Variants in PTGER3 observed in about 807,000 individuals in gnomAD.
PTGER3 encodes the protein prostaglandin E receptor 3.
Under a neutral mutation model 34.7 loss-of-function variants are expected in PTGER3, and 22 were observed. The observed-to-expected ratio is 0.63, with a 90% CI of 0.45 to 0.91. PTGER3 has a LOEUF of 0.91. PTGER3 is among the 40% of genes least tolerant of loss of function. The pLI, the probability that PTGER3 is intolerant of heterozygous loss-of-function variation, is 0.00. For missense variants in PTGER3, 468 were observed against 519.4 expected (o/e 0.90, Z 0.96); for synonymous variants, 241 against 230.1 (o/e 1.05, Z -0.43).
intron 4 of PTGER3, among the ~76,000 whole-genome samples, chr1:70,861,768 T>C (rs537869844): frequency 6.6e-6 from 1 of 152,184 alleles, no homozygotes; most frequent in African/African-American, 2.4e-5. Context: ...TCTCAGAATA[T>C]TTATCATTCA....
At chr1:71,037,403 C>T (rs1057357056) in intron 1 of PTGER3, among the ~76,000 whole-genome samples, 6 of 152,206 alleles carry the variant, frequency 3.9e-5, no homozygotes, top group African/African-American at 1.4e-4. Flanking sequence ...CTCTCTCGAG[C>T]AACGTAACTG....
intron 4 of PTGER3, among the ~76,000 whole-genome samples, chr1:70,900,543 TG>T (rs1453293181): frequency 7.3e-6 from 1 of 137,078 alleles, no homozygotes; most frequent in Non-Finnish European, 1.6e-5. Flanking sequence ...ATACAAATGA[TG>T]AATTTAGAGC....
chr1:70,916,372 A>G (rs1572637869), intron 4 of PTGER3, among the ~76,000 whole-genome samples: 1 of 152,066 alleles, frequency 6.6e-6, no homozygotes, highest in East Asian at 1.9e-4. Context: ...CAGCAATCCC[A>G]TTACTGGGTA....
chr1:71,034,291 T>C (rs905377196), intron 1 of PTGER3, among the ~76,000 whole-genome samples: 1 of 152,222 alleles, frequency 6.6e-6, no homozygotes, highest in African/African-American at 2.4e-5. Flanking sequence ...AAATTTTCTT[T>C]TAATGTGTTC....
Position 70,971,188 on chromosome 1 carries a change from A to G in PTGER3, c.*542T>C, listed in dbSNP as rs999189818. On this transcript the variant is annotated 3_prime_UTR_variant, in exon 4 of 4. Transcript: ENST00000306666. ...CACAGGGACACAACATCTCTAAAAC[A>G]TTAATCATAATTGGGCACAAATATT... 3 of 985,304 alleles carry G rather than the reference A, an allele frequency of 3.0e-6. No homozygotes were observed. Among genetic ancestry groups the G allele is most frequent in the Non-Finnish European group, 3.6e-6 (3 of 829,942 alleles). 61.0% of individuals were successfully genotyped at this position (985,304 alleles called of 1,614,324 possible). A position where few individuals can be genotyped will look rare whatever the true frequency, so the allele number is the denominator to read the frequency against.
At chr1:70,907,246 A>G (rs920999114) in intron 4 of PTGER3, among the ~76,000 whole-genome samples, 1 of 152,186 alleles carries the variant, frequency 6.6e-6, no homozygotes, top group Non-Finnish European at 1.5e-5. Context: ...TTTCATCTTC[A>G]TTCCTTAGTC....
At chr1:70,940,559 A>G (rs542997188) in intron 4 of PTGER3, among the ~76,000 whole-genome samples, 6 of 152,206 alleles carry the variant, frequency 3.9e-5, no homozygotes, top group Admixed American at 3.3e-4. Flanking sequence ...AGGCCTTGGA[A>G]TCATGGCAGG....
At chr1:70,957,131 CCT>C (rs1302265645) in intron 2 of PTGER3, among the ~76,000 whole-genome samples, 1 of 152,154 alleles carries the variant, frequency 6.6e-6, no homozygotes, top group African/African-American at 2.4e-5. Context: ...CAACTATTAA[CCT>C]CTGTTTTCGG....
intron 4 of PTGER3, among the ~76,000 whole-genome samples, chr1:70,856,871 A>G (rs1445613958): frequency 2.0e-5 from 3 of 152,224 alleles, no homozygotes; most frequent in Non-Finnish European, 4.4e-5. Flanking sequence ...ATATGTATGC[A>G]TTCCTGTAAC....
At chr1:70,960,822 T>C (rs1239206846) in intron 2 of PTGER3, among the ~76,000 whole-genome samples, 7 of 152,184 alleles carry the variant, frequency 4.6e-5, no homozygotes, top group African/African-American at 1.7e-4. Flanking sequence ...CATGACCTTC[T>C]TAGTCCTAGG....
intron 1 of PTGER3, among the ~76,000 whole-genome samples, chr1:71,018,014 C>A (rs1658066161): frequency 6.6e-6 from 1 of 152,176 alleles, no homozygotes; most frequent in South Asian, 2.1e-4. Context: ...ATCCACCCGT[C>A]TCGACCTTCC....
intron 2 of PTGER3, among the ~76,000 whole-genome samples, chr1:70,955,087 T>C (rs1425177834): frequency 6.6e-6 from 1 of 152,174 alleles, no homozygotes; most frequent in East Asian, 1.9e-4. Flanking sequence ...TGCAGTCAGT[T>C]GTAAACATTG....
chr1:70,920,019 C>G (rs1159596080), intron 4 of PTGER3, among the ~76,000 whole-genome samples: 1 of 152,116 alleles, frequency 6.6e-6, no homozygotes, highest in Middle Eastern at 3.2e-3. Flanking sequence ...GGCTCACAGT[C>G]ATTTTCTTGT....
chr1:71,031,766 C>T (rs948763898), intron 1 of PTGER3, among the ~76,000 whole-genome samples: 2 of 152,182 alleles, frequency 1.3e-5, no homozygotes, highest in Non-Finnish European at 2.9e-5. Context: ...TCTACATATG[C>T]TCTTTGCACT....
At chr1:70,949,936 A>T (rs1403899439), downstream of PTGER3, among the ~76,000 whole-genome samples, 2 of 152,152 alleles carry the variant, frequency 1.3e-5, no homozygotes, top group African/African-American at 4.8e-5. Flanking sequence ...CTGCAAATCC[A>T]GATCAACATT....
At chr1:70,968,701 CTA>C (rs1464201032), downstream of PTGER3, among the ~76,000 whole-genome samples, 3 of 151,638 alleles carry the variant, frequency 2.0e-5, no homozygotes, top group African/African-American at 7.3e-5. Context: ...ACTCTAAAAA[CTA>C]AAGTAGTTTT....
At chr1:70,996,838 G>A (rs1572889857) in intron 2 of PTGER3, among the ~76,000 whole-genome samples, 1 of 151,840 alleles carries the variant, frequency 6.6e-6, no homozygotes. Context: ...CTTTTTTTGT[G>A]TTTTTAGTAG....
chr1:71,020,900 A>T (rs1658356204), intron 1 of PTGER3, among the ~76,000 whole-genome samples: 2 of 152,122 alleles, frequency 1.3e-5, no homozygotes, highest in Admixed American at 6.6e-5. Context: ...TGATTCACAC[A>T]CACTTACTGT....
intron 2 of PTGER3, chr1:71,009,138 T>A (rs1280573442): frequency 1.0e-6 from 1 of 985,050 alleles, no homozygotes; most frequent in Non-Finnish European, 1.2e-6. Flanking sequence ...AAAAGCCTAA[T>A]CTACTTGAAA....
Sources: allele counts gnomAD v4.1 joint callset (sites outside exome capture counted in the v4.1 genomes callset), GRCh38; gene constraint gnomAD v4.1.1; transcripts MANE v1.5; gene names NCBI Gene and HGNC (gene_info 2026-07-23, HGNC 2026-07-21).